SRFBP1: variants seen among roughly 807,000 people sequenced by gnomAD.
SRFBP1 encodes the protein serum response factor-binding protein 1.
SRFBP1 carries 47 observed loss-of-function variants against 45.5 expected under a neutral mutation model. The ratio of observed to expected loss-of-function variants is 1.03; its 90% CI spans 0.82 to 1.32. The LOEUF is 1.32. Ranked by LOEUF, SRFBP1 falls within the 40% of genes most tolerant of loss-of-function variation. The probability of loss-of-function intolerance (pLI) is 0.00; values close to 1 mark genes in which losing one functional copy is unlikely to be tolerated. For missense variants in SRFBP1, 621 were observed against 484.6 expected (o/e 1.28, Z -2.64); for synonymous variants, 203 against 166.3 (o/e 1.22, Z -1.70).
chr5:121,966,856 T>A (rs991459481), intron 1 of SRFBP1, among the ~76,000 whole-genome samples: 1 of 151,584 alleles, frequency 6.6e-6, no homozygotes, highest in Non-Finnish European at 1.5e-5. Context: ...CTTGGCTCAC[T>A]GAAAGCTCCA....
At chr5:121,962,740 C>T (rs548813572) in intron 1 of SRFBP1, among the ~76,000 whole-genome samples, 173 of 152,342 alleles carry the variant, frequency 1.1e-3, no homozygotes, top group African/African-American at 4.0e-3. Context: ...TTATCCCCCT[C>T]TGGTTTCTGC....
chr5:121,990,996 C>T (rs1000884149), intron 3 of SRFBP1, among the ~76,000 whole-genome samples: 1 of 151,498 alleles, frequency 6.6e-6, no homozygotes, highest in Non-Finnish European at 1.5e-5. Context: ...TTAGGGCTTA[C>T]CTGCTTTCCA....
rs751748506 is a variant in SRFBP1 at position 122,020,434 on chromosome 5, CA to C, written c.707del (p.Asn236ThrfsTer75). ...CAAAACTGAAAACTCTAAGTCAAAC[CA>C]AAAAAAACAAAGGATCTGATAGCTC... Reference protein sequence around the residue: ...DPKLKTLSQTKKNKGSDSSLS... With the variant: ...DPKLKTLSQTXKNKGSDSSLS... On this transcript the variant is annotated frameshift_variant, in exon 6 of 8. Transcript: ENST00000339397. LOFTEE classifies it high-confidence loss of function. 1.2e-6 allele frequency: 2 copies of C among 1,613,008 alleles called. No individual in the cohort carries two copies. The highest frequency in any genetic ancestry group is 2.2e-5 in the East Asian group (1 of 44,834).
At chr5:122,000,804 G>A (rs1054995840) in intron 4 of SRFBP1, among the ~76,000 whole-genome samples, 3 of 151,992 alleles carry the variant, frequency 2.0e-5, no homozygotes, top group Non-Finnish European at 4.4e-5. Context: ...AAATTCACAA[G>A]TCTCAACATC....
chr5:122,010,097 A>T lies in SRFBP1; in HGVS notation c.271-9163A>T, dbSNP rs530016634. ...CAGTTGTGTCACATCACTACTGAAA[A>T]TTTTTTTAAATTAATTTCTACACTT... On this transcript the variant is annotated intron_variant, in intron 4 of 7. Transcript: ENST00000339397. Among the ~76,000 whole-genome samples the T allele has an allele frequency of 3.3e-4, 50 of 152,210 alleles. No individual in the cohort carries two copies. In the South Asian group the frequency reaches 6.8e-3, roughly 21 times the overall value.
intron 3 of SRFBP1, among the ~76,000 whole-genome samples, chr5:121,977,435 AC>A (rs1173613938): frequency 6.6e-6 from 1 of 152,102 alleles, no homozygotes; most frequent in Non-Finnish European, 1.5e-5. Flanking sequence ...TGCTGTTCTT[AC>A]GTGTCAAATT....
At chr5:122,026,275 G>A (rs577655012) in intron 7 of SRFBP1, among the ~76,000 whole-genome samples, 1 of 151,994 alleles carries the variant, frequency 6.6e-6, no homozygotes, top group African/African-American at 2.4e-5. Flanking sequence ...GTGTATCTTC[G>A]CCAAATAAGA....
In SRFBP1 at chr5:121,995,482, A is replaced by G. The variant is rs535043291; in HGVS notation, c.270+812A>G. ...TGAAACCAACGAGAACAAAGACACA[A>G]CATACCAGAATCTCTGGGACACATT... On this transcript the variant is annotated intron_variant, in intron 4 of 7. Coordinates refer to ENST00000339397, the MANE Select transcript of SRFBP1 (RefSeq NM_152546.3). Among the ~76,000 whole-genome samples, 13 of 152,306 alleles carry G rather than the reference A, an allele frequency of 8.5e-5. No homozygotes were observed. In the East Asian group the frequency reaches 2.5e-3, roughly 29 times the overall value.
intron 2 of SRFBP1, among the ~76,000 whole-genome samples, chr5:122,068,113 T>A (rs957353922): frequency 1.3e-5 from 2 of 150,702 alleles, no homozygotes; most frequent in Non-Finnish European, 2.9e-5. Flanking sequence ...CTGGTTTATA[T>A]TAGTTATAAA....
chr5:122,026,337 A>C (rs1580533998), intron 7 of SRFBP1, among the ~76,000 whole-genome samples: 1 of 152,236 alleles, frequency 6.6e-6, no homozygotes, highest in African/African-American at 2.4e-5. Flanking sequence ...CTAGAATACA[A>C]GTTGCCACCT....
chr5:122,015,644 G>A (rs1374206141), intron 4 of SRFBP1, among the ~76,000 whole-genome samples: 1 of 152,224 alleles, frequency 6.6e-6, no homozygotes, highest in East Asian at 1.9e-4. Context: ...GAAAGTTCCA[G>A]CGGCAGGCTG....
chr5:121,995,382 A>G (rs549468359), intron 4 of SRFBP1, among the ~76,000 whole-genome samples: 24 of 152,346 alleles, frequency 1.6e-4, no homozygotes, highest in African/African-American at 5.1e-4. Context: ...GCTCAACTAC[A>G]TGGAAGCTGA....
intron 3 of SRFBP1, among the ~76,000 whole-genome samples, chr5:121,989,288 G>T (rs1377672690): frequency 6.6e-6 from 1 of 151,914 alleles, no homozygotes; most frequent in African/African-American, 2.4e-5. Flanking sequence ...GGATGGTCTC[G>T]ATCTCCTGAC....
rs1198341380 is a variant in SRFBP1, at chr5:122,026,964, G to A, written c.1128G>A (p.Gln376=). The A allele has an allele frequency of 1.2e-6, 2 of 1,611,562 alleles. No homozygotes were observed. Among genetic ancestry groups the A allele is most frequent in the Non-Finnish European group, 1.7e-6 (2 of 1,179,238 alleles). ...TAGATTTTCCACAGAATGAGCCTCA[G>A]ATCAAGAATCAGTTTAATAAGAAGC... ...RSLDFPQNEP[Q]IKNQFNKKLS... is the part of the protein sequence containing the mutation. Residue 376 remains glutamine, a synonymous_variant, in exon 8 of 8, where the codon CAG becomes CAA. Coordinates refer to ENST00000339397, the MANE Select transcript of SRFBP1 (RefSeq NM_152546.3).
chr5:122,022,728 C>T (rs529726365), intron 7 of SRFBP1, among the ~76,000 whole-genome samples: 232 of 152,264 alleles, frequency 1.5e-3, no homozygotes, highest in Non-Finnish European at 2.8e-3. Context: ...AACGCTAATG[C>T]CATGCCGTTA....
chr5:122,070,031 T>C, intron 2 of SRFBP1: 1 of 1,510,744 alleles, frequency 6.6e-7, no homozygotes, highest in Non-Finnish European at 9.2e-7. Flanking sequence ...AACAATTACT[T>C]AGCTAAGCAA....
chr5:121,962,575 T>C (rs905339029), intron 1 of SRFBP1, among the ~76,000 whole-genome samples: 1 of 152,226 alleles, frequency 6.6e-6, no homozygotes, highest in Non-Finnish European at 1.5e-5. Flanking sequence ...CCTATTTCTT[T>C]GCTTCCGTTT....
chr5:122,073,678 C>G (rs1403656584), intron 2 of SRFBP1, among the ~76,000 whole-genome samples: 1 of 152,114 alleles, frequency 6.6e-6, no homozygotes, highest in Non-Finnish European at 1.5e-5. Context: ...AACAAGGACC[C>G]ACACTGACCT....
At chr5:121,968,440 G>A (rs1248401787) in intron 1 of SRFBP1, among the ~76,000 whole-genome samples, 2 of 152,018 alleles carry the variant, frequency 1.3e-5, no homozygotes, top group Non-Finnish European at 2.9e-5. Flanking sequence ...AACTGAAACT[G>A]CTGACAACAA....
Sources: gnomAD v4.1 joint callset for allele counts (sites outside exome capture counted in the v4.1 genomes callset) on GRCh38, gnomAD v4.1.1 for gene constraint, MANE v1.5 for transcripts, NCBI Gene and HGNC (gene_info 2026-07-23, HGNC 2026-07-21) for gene names.